Variants in RASA1 observed in about 807,000 individuals in gnomAD.
The protein encoded by RASA1 is ras GTPase-activating protein 1.
In RASA1, 25 loss-of-function variants were observed where a neutral mutation model predicts 132.2. The ratio of observed to expected loss-of-function variants is 0.19; its 90% confidence interval spans 0.14 to 0.26. The LOEUF is 0.26. Among genes scored for constraint, RASA1 ranks in the 10% least tolerant of loss-of-function variants. The pLI is 1.00. For synonymous variants in RASA1, 477 were observed against 449.9 expected, an observed-to-expected ratio of 1.06 and a Z score of -0.76; for missense variants, 964 against 1,299.2, an observed-to-expected ratio of 0.74 and a Z score of 3.97.
At position 87,310,565 on chromosome 5, in the gene RASA1, T is replaced by G. The variant is rs1580228024; in HGVS notation, c.540-20783T>G. Among the ~76,000 whole-genome samples the G allele has an allele frequency of 1.3e-5, 2 of 152,282 alleles. 1 individual carries two copies. Among genetic ancestry groups the G allele is most frequent in the Non-Finnish European group, 2.9e-5 (2 of 68,018 alleles). ...AGGAATTAAAATTTTGTTACAATAT[T>G]CGTGATGGTCTTGTTTTTCATGTAA... On this transcript the variant is annotated intron_variant, in intron 1 of 24. Transcript: ENST00000274376.
chr5:87,291,166 T>C (rs1252627288), intron 1 of RASA1, among the ~76,000 whole-genome samples: 1 of 152,152 alleles, frequency 6.6e-6, no homozygotes, highest in African/African-American at 2.4e-5. Context: ...TATAGTGATA[T>C]CTTGTTTGAA....
intron 1 of RASA1, among the ~76,000 whole-genome samples, chr5:87,296,964 T>G (rs1047526400): frequency 6.6e-6 from 1 of 152,060 alleles, no homozygotes; most frequent in Non-Finnish European, 1.5e-5. Flanking sequence ...TTTCCTCTCT[T>G]TTTTTTCTTT....
chr5:87,364,093 A>G (rs1332353755), intron 11 of RASA1, among the ~76,000 whole-genome samples: 1 of 152,108 alleles, frequency 6.6e-6, no homozygotes, highest in African/African-American at 2.4e-5. Flanking sequence ...CACCATTAGT[A>G]TTATCAGTAA....
intron 9 of RASA1, among the ~76,000 whole-genome samples, chr5:87,361,639 C>A (rs553266175): frequency 6.6e-6 from 1 of 152,208 alleles, no homozygotes; most frequent in African/African-American, 2.4e-5. Context: ...TGATATAATT[C>A]TTTTCCTCAG....
intron 18 of RASA1, among the ~76,000 whole-genome samples, chr5:87,379,295 T>C (rs1031107234): frequency 6.6e-5 from 10 of 152,170 alleles, no homozygotes; most frequent in African/African-American, 2.4e-4. Flanking sequence ...AGGGAGTCTC[T>C]GGACTTTAGA....
chr5:87,333,866 TACTG>T (rs1297544628), intron 4 of RASA1, among the ~76,000 whole-genome samples: 8 of 152,290 alleles, frequency 5.3e-5, no homozygotes, highest in African/African-American at 1.7e-4. Context: ...ATTTAATTCT[TACTG>T]ACACATTTTT....
intron 1 of RASA1, among the ~76,000 whole-genome samples, chr5:87,297,758 G>T (rs1412373167): frequency 6.6e-6 from 1 of 152,226 alleles, no homozygotes; most frequent in East Asian, 1.9e-4. Context: ...TTACTGTAAG[G>T]GCATAGTAGA....
At position 87,268,762 on chromosome 5, in the gene RASA1, G is replaced by T; in HGVS notation, c.311G>T (p.Gly104Val). Residue 104 changes from glycine to valine, a missense_variant, in exon 1 of 25, where the codon GGT becomes GTT. Around this residue, in one of 6 missense-constraint regions of RASA1, gnomAD observed 326 missense variants for 275.8 expected, o/e 1.18. Transcript: ENST00000274376. Reference protein sequence around the residue: ...GVAGAAAGVAGAAVAGPSGDM... With the variant: ...GVAGAAAGVAVAAVAGPSGDM... ...GCTGGTGCTGCTGCTGGCGTGGCCG[G>T]TGCTGCTGTTGCTGGACCTAGTGGA... 1.2e-6 allele frequency: 2 copies of T among 1,613,890 alleles called. No individual in the cohort carries two copies. Among genetic ancestry groups the T allele is most frequent in the Non-Finnish European group, 1.7e-6 (2 of 1,179,974 alleles).
At chr5:87,311,348 A>C (rs533261193) in intron 1 of RASA1, among the ~76,000 whole-genome samples, 17 of 152,206 alleles carry the variant, frequency 1.1e-4, no homozygotes, top group Non-Finnish European at 8.8e-5. Context: ...TACAACTGTG[A>C]CTTTGAGGGT....
At chr5:87,309,983 A>G (rs1195284083) in intron 1 of RASA1, among the ~76,000 whole-genome samples, 1 of 152,060 alleles carries the variant, frequency 6.6e-6, no homozygotes, top group Non-Finnish European at 1.5e-5. Flanking sequence ...TGCTAGTTGA[A>G]AGCTCTTCTA....
At chr5:87,319,506 C>G (rs1365544642) in intron 1 of RASA1, among the ~76,000 whole-genome samples, 4 of 152,238 alleles carry the variant, frequency 2.6e-5, no homozygotes, top group Non-Finnish European at 5.9e-5. Context: ...ATGTGGAATC[C>G]ACCAAGGCTT....
At chr5:87,276,810 T>C (rs941084204) in intron 1 of RASA1, among the ~76,000 whole-genome samples, 83 of 152,304 alleles carry the variant, frequency 5.4e-4, no homozygotes, top group African/African-American at 2.0e-3. Context: ...CAAGTTGTTA[T>C]GTGTAACATA....
chr5:87,291,716 C>G (rs1295641408), intron 1 of RASA1, among the ~76,000 whole-genome samples: 31 of 152,142 alleles, frequency 2.0e-4, no homozygotes, highest in Admixed American at 2.0e-3. Flanking sequence ...CTCACTCTTG[C>G]TCTGCTTTCA....
At chr5:87,287,293 T>TACACCATATATAC (rs1336819625) in intron 1 of RASA1, among the ~76,000 whole-genome samples, 1 of 145,736 alleles carries the variant, frequency 6.9e-6, no homozygotes, top group Non-Finnish European at 1.5e-5. Flanking sequence ...ACCATATATA[T>TACACCATATATAC]ACACCATATA....
Position 87,268,457 on chromosome 5 carries a change from G to T in RASA1, c.6G>T (p.Met2Ile). The T allele has an allele frequency of 6.5e-7, 1 of 1,546,894 alleles. No homozygotes were observed. Among genetic ancestry groups the T allele is most frequent in the Non-Finnish European group, 8.7e-7 (1 of 1,145,488 alleles). Residue 2 changes from methionine to isoleucine, a missense_variant, in exon 1 of 25, where the codon ATG becomes ATT. Met to Ile is a conservative substitution (Grantham distance 10, BLOSUM62 1). Around this residue, in one of 6 missense-constraint regions of RASA1, gnomAD observed 326 missense variants for 275.8 expected, o/e 1.18. Coordinates refer to ENST00000274376, the MANE Select transcript of RASA1 (RefSeq NM_002890.3). M[M>I]AAEAGSEEGG... ...AGAGTAGAGCGGGCTTCAACATGATGGCGGCCGAGGCCGGCAGTGAGGAGG... is the reference window on the plus strand; with the variant it reads ...AGAGTAGAGCGGGCTTCAACATGATTGCGGCCGAGGCCGGCAGTGAGGAGG...
At chr5:87,345,350 C>T (rs1758782076) in intron 6 of RASA1, among the ~76,000 whole-genome samples, 1 of 152,014 alleles carries the variant, frequency 6.6e-6, no homozygotes, top group East Asian at 1.9e-4. Flanking sequence ...ACTTTTTTAC[C>T]CTTCTTTTTT....
intron 1 of RASA1, among the ~76,000 whole-genome samples, chr5:87,302,325 C>G (rs1176915381): frequency 6.6e-6 from 1 of 151,636 alleles, no homozygotes; most frequent in Non-Finnish European, 1.5e-5. Flanking sequence ...TTCATATGTT[C>G]ATTGGTCATT....
At chr5:87,354,638 G>A (rs774530177) in intron 9 of RASA1, among the ~76,000 whole-genome samples, 15 of 152,062 alleles carry the variant, frequency 9.9e-5, no homozygotes, top group Non-Finnish European at 1.9e-4. Flanking sequence ...GCCTCTAAAT[G>A]GTCAAGTGAA....
intron 14 of RASA1, among the ~76,000 whole-genome samples, chr5:87,374,532 T>C (rs1221764853): frequency 1.3e-5 from 2 of 150,796 alleles, no homozygotes; most frequent in Non-Finnish European, 3.0e-5. Context: ...TTCCACTTAG[T>C]TATTAACATG....
Sources: gnomAD v4.1 joint callset for allele counts (sites outside exome capture counted in the v4.1 genomes callset) on GRCh38, gnomAD v4.1.1 for gene constraint, gnomAD v4.1.1 regional missense constraint, MANE v1.5 for transcripts, NCBI Gene and HGNC (gene_info 2026-07-23, HGNC 2026-07-21) for gene names.